Variants in APBA2 observed in about 807,000 individuals in gnomAD.
APBA2 encodes amyloid beta precursor protein binding family A member 2.
Under a neutral mutation model 75.0 loss-of-function variants are expected in APBA2, and 30 were observed. That is an observed-to-expected ratio of 0.40 (90% confidence interval 0.30 to 0.54). The LOEUF is 0.54. Ranked by LOEUF, APBA2 falls within the 20% of genes least tolerant of loss-of-function variation. The pLI is 0.49. For synonymous variants in APBA2, 444 were observed against 409.6 expected, an observed-to-expected ratio of 1.08 and a Z score of -1.01; for missense variants, 801 against 1,016.1, an observed-to-expected ratio of 0.79 and a Z score of 2.88.
At chr15:29,040,121 C>G (rs1317734096) in intron 3 of APBA2, among the ~76,000 whole-genome samples, 2 of 152,216 alleles carry the variant, frequency 1.3e-5, no homozygotes, top group Non-Finnish European at 2.9e-5. Context: ...TTGTCTTTTC[C>G]TCTCTCCTGG....
chr15:28,975,542 A>T (rs2037291220), intron 2 of APBA2, among the ~76,000 whole-genome samples: 1 of 152,246 alleles, frequency 6.6e-6, no homozygotes. Flanking sequence ...CAGAAAAACT[A>T]CCACAAGAAA....
chr15:29,067,283 CA>C (rs1214424948), intron 4 of APBA2, among the ~76,000 whole-genome samples: 1 of 152,248 alleles, frequency 6.6e-6, no homozygotes, highest in Admixed American at 6.5e-5. Flanking sequence ...CACAAAGAAG[CA>C]AAAACATTTT....
At chr15:28,929,549 AGGCTTCCCTGGGGCAACAGC>A (rs1368074539) in intron 2 of APBA2, among the ~76,000 whole-genome samples, 12 of 152,272 alleles carry the variant, frequency 7.9e-5, no homozygotes, top group African/African-American at 2.6e-4. Flanking sequence ...GCTGGCGCCC[AGGCTTCCCTGGGGCAACAGC>A]GTTGGCCCAG....
At chr15:29,116,477 A>T (rs908548543) in intron 14 of APBA2, among the ~76,000 whole-genome samples, 11 of 151,588 alleles carry the variant, frequency 7.3e-5, no homozygotes, top group African/African-American at 2.7e-4. Context: ...AATACAAAAA[A>T]ATTCGCTGGG....
intron 3 of APBA2, among the ~76,000 whole-genome samples, chr15:29,007,970 GCAAC>G (rs2039211010): frequency 6.6e-6 from 1 of 152,196 alleles, no homozygotes; most frequent in Non-Finnish European, 1.5e-5. Context: ...AGGGGTGGAA[GCAAC>G]CCAGGAGTCC....
intron 4 of APBA2, among the ~76,000 whole-genome samples, chr15:29,059,587 A>G (rs972159505): frequency 2.0e-5 from 3 of 152,222 alleles, no homozygotes; most frequent in Non-Finnish European, 4.4e-5. Flanking sequence ...AATATTGCAT[A>G]TAATTAATTA....
chr15:28,967,709 A>G (rs1047389205), intron 2 of APBA2, among the ~76,000 whole-genome samples: 1 of 152,178 alleles, frequency 6.6e-6, no homozygotes, highest in Non-Finnish European at 1.5e-5. Flanking sequence ...AAGTGCTAGG[A>G]TTATAGGTGT....
chr15:29,076,017 AATT>A (rs1336510564), intron 5 of APBA2, 35 bp from the exon 6 acceptor site: 6 of 1,605,240 alleles, frequency 3.7e-6, no homozygotes, highest in Non-Finnish European at 5.1e-6. Flanking sequence ...CCTACTTAAC[AATT>A]GTTATGTGTT....
At chr15:28,946,491 A>G (rs534018885) in intron 2 of APBA2, among the ~76,000 whole-genome samples, 1 of 152,380 alleles carries the variant, frequency 6.6e-6, no homozygotes, top group South Asian at 2.1e-4. Flanking sequence ...ATTCTTGCCT[A>G]GAGCCTCCGT....
At chr15:29,016,556 C>A (rs74007036) in intron 3 of APBA2, among the ~76,000 whole-genome samples, 5,415 of 152,178 alleles carry the variant, frequency 0.036, 337 homozygotes, top group African/African-American at 0.12. Context: ...GTGCTGCACA[C>A]GTGCAGGCCT....
At chr15:29,025,552 G>A (rs1328045459) in intron 3 of APBA2, among the ~76,000 whole-genome samples, 2 of 152,052 alleles carry the variant, frequency 1.3e-5, no homozygotes, top group Admixed American at 6.5e-5. Flanking sequence ...GATTACAGGC[G>A]TGAGGCACTG....
chr15:28,896,478 A>G (rs2032497339), intron 1 of APBA2, among the ~76,000 whole-genome samples: 1 of 152,172 alleles, frequency 6.6e-6, no homozygotes, highest in African/African-American at 2.4e-5. Flanking sequence ...ACAGGGTTTC[A>G]CCGTGTTAGC....
chr15:28,940,450 G>A (rs2035146254), intron 2 of APBA2, among the ~76,000 whole-genome samples: 1 of 145,286 alleles, frequency 6.9e-6, no homozygotes, highest in Non-Finnish European at 1.5e-5. Context: ...ACAGGAGAAT[G>A]GAGAATGGCG....
chr15:28,949,973 T>A lies in APBA2; in HGVS notation c.-95+28224T>A, dbSNP rs941541775. 5.3e-5 allele frequency among the ~76,000 whole-genome samples: 8 copies of A among 152,286 alleles called. No homozygotes were observed. The East Asian group carries it at 1.4e-3, about 26-fold the overall frequency. On this transcript the variant is annotated intron_variant, in intron 2 of 14. Coordinates refer to ENST00000683413, the MANE Select transcript of APBA2 (RefSeq NM_001353788.2). ...AACTCTGCAGTTTATTCCAATTTCC[T>A]TAGTTTTTGCTTAATGTTTTTTTTC...
intron 6 of APBA2, among the ~76,000 whole-genome samples, chr15:29,087,900 C>T (rs1053609758): frequency 3.3e-5 from 5 of 152,048 alleles, no homozygotes; most frequent in East Asian, 1.9e-4. Context: ...GATCTGATGT[C>T]GTTTGTCTCC....
intron 3 of APBA2, among the ~76,000 whole-genome samples, chr15:29,042,313 G>A (rs898355380): frequency 1.3e-5 from 2 of 151,962 alleles, no homozygotes; most frequent in East Asian, 1.9e-4. Flanking sequence ...TCACTGTGTT[G>A]CCAGGCTGGA....
At chr15:28,998,200 CTTTTTT>C (rs397937522) in intron 3 of APBA2, among the ~76,000 whole-genome samples, 2 of 132,312 alleles carry the variant, frequency 1.5e-5, no homozygotes, top group African/African-American at 5.5e-5. Context: ...TCTTCTTTTT[CTTTTTT>C]TTTTTTTTTT....
At chr15:28,969,893 G>A (rs1470144416) in intron 2 of APBA2, among the ~76,000 whole-genome samples, 1 of 152,250 alleles carries the variant, frequency 6.6e-6, no homozygotes, top group African/African-American at 2.4e-5. Context: ...AGCCTGCCAA[G>A]GCACTGCCAG....
chr15:28,891,027 T>A (rs964338689), intron 1 of APBA2, among the ~76,000 whole-genome samples: 2 of 152,182 alleles, frequency 1.3e-5, no homozygotes, highest in African/African-American at 4.8e-5. Context: ...AAAAAATATG[T>A]GGTTGAACTT....
Sources: gnomAD v4.1 joint callset for allele counts (sites outside exome capture counted in the v4.1 genomes callset) on GRCh38, gnomAD v4.1.1 for gene constraint, MANE v1.5 for transcripts, NCBI Gene and HGNC (gene_info 2026-07-23, HGNC 2026-07-21) for gene names.